The following ECD variants were observed in gnomAD, a reference collection of about 807,000 sequenced individuals.
The protein encoded by ECD is protein ecdysoneless homolog.
In ECD, 59 loss-of-function variants were observed where a neutral mutation model predicts 77.2. The ratio of observed to expected loss-of-function variants is 0.76; its 90% CI spans 0.62 to 0.95. ECD has a LOEUF of 0.95. ECD is among the 40% of genes least tolerant of loss of function. The probability of loss-of-function intolerance (pLI) is 0.00; values close to 1 mark genes in which losing one functional copy is unlikely to be tolerated. For synonymous variants in ECD, 233 were observed against 267.4 expected, an observed-to-expected ratio of 0.87 and a Z score of 1.26; for missense variants, 704 against 763.4, an observed-to-expected ratio of 0.92 and a Z score of 0.92.
At position 73,138,074 on chromosome 10, in the gene ECD, C is replaced by T. The variant is rs1564659374; in HGVS notation, c.1422-4G>A. The T allele has an allele frequency of 3.2e-6, 5 of 1,580,042 alleles. No individual in the cohort carries two copies. The Admixed American group carries it at 9.2e-5, about 29-fold the overall frequency. On this transcript the variant is annotated splice_polypyrimidine_tract_variant and splice_region_variant and intron_variant, in intron 11 of 13. Transcript: ENST00000372979. ...GATTGGAGCCTCAGAAGGTTCTCTG[C>T]AATATTAAAGGACAAAGACAATTAA...
intron 2 of ECD, among the ~76,000 whole-genome samples, chr10:73,161,175 A>C (rs1031611102): frequency 1.1e-4 from 16 of 152,050 alleles, no homozygotes; most frequent in African/African-American, 3.4e-4. Flanking sequence ...AAAAAAAAAA[A>C]ACAAAAACTA....
At chr10:73,134,914 C>G in intron 13 of ECD, 101 bp from the exon 14 acceptor site, 1 of 1,038,896 alleles carries the variant, frequency 9.6e-7, no homozygotes, top group Non-Finnish European at 1.4e-6. Flanking sequence ...AATTTGCATT[C>G]CAAATTAAAA....
chr10:73,149,675 T>C (rs1255919605), intron 7 of ECD, among the ~76,000 whole-genome samples: 1 of 152,230 alleles, frequency 6.6e-6, no homozygotes, highest in African/African-American at 2.4e-5. Flanking sequence ...TGGTTAGCTG[T>C]ATTAAATATA....
chr10:73,152,318 C>T lies in ECD; in HGVS notation c.887G>A (p.Arg296Gln), dbSNP rs765994939. The T allele has an allele frequency of 1.1e-5, 17 of 1,613,630 alleles. No homozygotes were observed. The highest frequency in any genetic ancestry group is 4.0e-5 in the African/African-American group (3 of 75,004). Residue 296 changes from arginine (R) to glutamine (Q), a missense_variant, in exon 7 of 14, where the codon CGA (arginine) becomes CAA (glutamine). Arg to Gln is a conservative substitution (Grantham distance 43, BLOSUM62 1). Coordinates refer to ENST00000372979, the MANE Select transcript of ECD (RefSeq NM_007265.3). ...CAATTTCATGCCCAATTCATGGGCT[C>T]GGTACTGGGGATCAGATGGAGGAGG... ...RLPPPSDPQY[R>Q]AHELGMKLAH...
chr10:73,138,201 T>C (rs1346500261), intron 11 of ECD, 131 bp from the exon 12 acceptor site: 16 of 641,180 alleles, frequency 2.5e-5, no homozygotes, highest in Non-Finnish European at 3.8e-5. Flanking sequence ...AGAAAAGTTG[T>C]AGTTTAAGTT....
At chr10:73,137,782 A>T (rs1842995613) in intron 12 of ECD, among the ~76,000 whole-genome samples, 1 of 152,018 alleles carries the variant, frequency 6.6e-6, no homozygotes, top group Admixed American at 6.6e-5. Context: ...TCTCAAAAAA[A>T]AAAAAAAAAA....
intron 2 of ECD, among the ~76,000 whole-genome samples, chr10:73,162,214 G>C (rs1481578770): frequency 6.6e-6 from 1 of 152,188 alleles, no homozygotes. Context: ...AACCAGAGAG[G>C]TAAGTTAGGA....
intron 5 of ECD, among the ~76,000 whole-genome samples, chr10:73,155,681 C>T (rs1473251235): frequency 1.3e-5 from 2 of 150,838 alleles, no homozygotes; most frequent in Admixed American, 6.6e-5. Context: ...TCACTGCAAC[C>T]TCCGCCTCCC....
At position 73,146,271 on chromosome 10, in the gene ECD, C is replaced by A; in HGVS notation, c.1127+5G>T. 1 of 1,578,162 alleles carries A rather than the reference C, an allele frequency of 6.3e-7. No individual in the cohort carries two copies. The highest frequency in any genetic ancestry group is 8.7e-7 in the Non-Finnish European group (1 of 1,155,290). On this transcript the variant is annotated splice_donor_5th_base_variant and intron_variant, in intron 9 of 13. Transcript: ENST00000372979. ...TTTGTAGTAGGAGTCTTAACAATAA[C>A]TCACCTTTCTGGCCAGTCTACTGAG...
In ECD at chr10:73,148,357, A is replaced by T. The variant is rs1420397527; in HGVS notation, c.960T>A (p.Ser320=). The change falls in exon 8 of 14, where the codon TCT becomes TCA. Residue 320 remains serine (S), a synonymous_variant. Coordinates refer to ENST00000372979, the MANE Select transcript of ECD (RefSeq NM_007265.3). ...CAGTCACAAGGGATTTCTTGCAGTC[A>T]GAAAAATGTGGGCTACATTTGGAGC... ...ILCSKCSPHF[S]DCKKSLVTAS... is the part of the protein sequence containing the mutation. The T allele has an allele frequency of 1.2e-6, 2 of 1,614,024 alleles. No homozygotes were observed. Among genetic ancestry groups the T allele is most frequent in the Non-Finnish European group, 1.7e-6 (2 of 1,179,908 alleles).
chr10:73,162,569 A>C (rs1245900067), intron 2 of ECD, among the ~76,000 whole-genome samples: 2 of 152,230 alleles, frequency 1.3e-5, no homozygotes, highest in African/African-American at 2.4e-5. Flanking sequence ...ATATGTAGCA[A>C]TTGTTGCCAA....
At chr10:73,156,206 CAAAG>C in intron 5 of ECD, 65 bp downstream of exon 5, 5 of 1,419,354 alleles carry the variant, frequency 3.5e-6, no homozygotes, top group East Asian at 2.4e-5. Context: ...AAACAAAAAT[CAAAG>C]AAAGACTGAA....
chr10:73,153,821 A>C (rs1435430859), intron 6 of ECD, among the ~76,000 whole-genome samples: 1 of 151,860 alleles, frequency 6.6e-6, no homozygotes, highest in Non-Finnish European at 1.5e-5. Flanking sequence ...ATGGGGAGGC[A>C]GGTCTCTTGA....
At chr10:73,166,770 C>A (rs1175529186) in intron 1 of ECD, among the ~76,000 whole-genome samples, 5 of 152,158 alleles carry the variant, frequency 3.3e-5, no homozygotes, top group African/African-American at 1.2e-4. Flanking sequence ...GTTCTCTCTC[C>A]ACTTTGTTGA....
chr10:73,152,888 C>A (rs1843232588), intron 6 of ECD, among the ~76,000 whole-genome samples: 1 of 147,702 alleles, frequency 6.8e-6, no homozygotes, highest in South Asian at 2.1e-4. Context: ...GCACTCCGGC[C>A]TGGGCAACAG....
At position 73,154,716 on chromosome 10, in the gene ECD, C is replaced by T. The variant is rs180892179; in HGVS notation, c.591-268G>A. Among the ~76,000 whole-genome samples the T allele has an allele frequency of 1.4e-4, 22 of 152,110 alleles. No homozygotes were observed. In the East Asian group the frequency reaches 3.3e-3, roughly 23 times the overall value. On this transcript the variant is annotated intron_variant, in intron 5 of 13. Transcript: ENST00000372979. Reference sequence around the variant, plus strand: ...TTGGGAGGCTGAGGCGGGTGGATCACGAGGTCAGGAGATTGAGGCCATCCT... The same window carrying T: ...TTGGGAGGCTGAGGCGGGTGGATCATGAGGTCAGGAGATTGAGGCCATCCT...
At chr10:73,163,448 A>T (rs1290661635) in intron 2 of ECD, among the ~76,000 whole-genome samples, 1 of 152,238 alleles carries the variant, frequency 6.6e-6, no homozygotes, top group East Asian at 1.9e-4. Context: ...ACTTAGATAC[A>T]TTATGGCATA....
At position 73,156,603 on chromosome 10, in the gene ECD, G is replaced by A. The variant is rs769492013; in HGVS notation, c.376C>T (p.Pro126Ser). The A allele has an allele frequency of 4.3e-6, 7 of 1,614,024 alleles. No individual in the cohort carries two copies. Among genetic ancestry groups the A allele is most frequent in the Non-Finnish European group, 5.9e-6 (7 of 1,180,030 alleles). Residue 126 changes from proline to serine, a missense_variant, in exon 4 of 14, where the codon CCT becomes TCT. Transcript: ENST00000372979. ...CTATTTTCAGGATCCAGCCATTTAGGGAGAAAGTCAGCAGCTTCTATTAAC... is the reference window on the plus strand; with the variant it reads ...CTATTTTCAGGATCCAGCCATTTAGAGAGAAAGTCAGCAGCTTCTATTAAC... ...FLLIEAADFL[P>S]KWLDPENSTN...
Position 73,136,933 on chromosome 10 carries a change from A to G in ECD, c.1490-15T>C, listed in dbSNP as rs1305694765. 1 of 1,404,492 alleles carries G rather than the reference A, an allele frequency of 7.1e-7. No individual in the cohort carries two copies. Among genetic ancestry groups the G allele is most frequent in the Non-Finnish European group, 9.5e-7 (1 of 1,056,928 alleles). 87.0% of individuals were successfully genotyped at this position (1,404,492 alleles called of 1,614,324 possible). A position where few individuals can be genotyped will look rare whatever the true frequency, so the allele number is the denominator to read the frequency against. On this transcript the variant is annotated splice_polypyrimidine_tract_variant and intron_variant, in intron 12 of 13. Transcript: ENST00000372979. ...AGGCCTTGGCCCTACACAGATCCCA[A>G]GAAAGAAAGAGCCACTTAGTAATTA... is the stretch of plus-strand genomic sequence containing the variant.
Sources: gnomAD v4.1 joint callset for allele counts (sites outside exome capture counted in the v4.1 genomes callset) on GRCh38, gnomAD v4.1.1 for gene constraint, MANE v1.5 for transcripts, NCBI Gene and HGNC (gene_info 2026-07-23, HGNC 2026-07-21) for gene names.